The following UNK variants were observed in gnomAD, a reference collection of about 807,000 sequenced individuals.
UNK encodes RING finger protein unkempt homolog.
Under a neutral mutation model 97.6 loss-of-function variants are expected in UNK, and 32 were observed. That is an observed-to-expected ratio of 0.33 (90% CI 0.25 to 0.44). The LOEUF is 0.44. UNK is among the 20% of genes least tolerant of loss of function. UNK has a pLI of 1.00. For synonymous variants in UNK, 441 were observed against 461.2 expected (o/e 0.96, Z 0.56); for missense variants, 771 against 1,098.4 (o/e 0.70, Z 4.21).
In UNK at chr17:75,800,963, G is replaced by A. The variant is rs377058700; in HGVS notation, c.105-8797G>A. On this transcript the variant is annotated intron_variant, in intron 1 of 15. Transcript: ENST00000589666. ...CTGTCGCCCAGGCTGGAGTGCAGTG[G>A]CGTGATCTGGGCTCACTGCAAGCTC... is the stretch of plus-strand genomic sequence containing the variant. Among the ~76,000 whole-genome samples the A allele has an allele frequency of 5.3e-5, 8 of 151,610 alleles. No homozygotes were observed. The East Asian group carries it at 1.4e-3, about 26-fold the overall frequency.
intron 5 of UNK, 36 bp downstream of exon 5, chr17:75,813,249 G>A (rs1374584380): frequency 1.9e-6 from 3 of 1,547,518 alleles, no homozygotes; most frequent in East Asian, 2.4e-5. Context: ...ACGGGAGGGA[G>A]GAGTGGCAGG....
intron 1 of UNK, among the ~76,000 whole-genome samples, chr17:75,800,573 C>A (rs1394208383): frequency 6.6e-5 from 10 of 150,774 alleles, no homozygotes; most frequent in African/African-American, 2.4e-4. Context: ...CCCGCCTCTC[C>A]TAAAAATAAA....
chr17:75,788,571 C>T (rs2061734516), intron 1 of UNK, among the ~76,000 whole-genome samples: 2 of 152,194 alleles, frequency 1.3e-5, no homozygotes, highest in African/African-American at 2.4e-5. Flanking sequence ...TCAGGCTGGT[C>T]TTGAACTCCT....
intron 14 of UNK, among the ~76,000 whole-genome samples, chr17:75,822,865 TTCTC>T (rs759200162): frequency 2.6e-5 from 4 of 152,232 alleles, no homozygotes; most frequent in African/African-American, 7.2e-5. Context: ...AGGCTTCAAA[TTCTC>T]TCTGTGAGCT....
At position 75,812,118 on chromosome 17, in the gene UNK, A is replaced by G. The variant is rs2061975114; in HGVS notation, c.321A>G (p.Pro107=). 5 of 1,598,166 alleles carry G rather than the reference A, an allele frequency of 3.1e-6. No homozygotes were observed. Among genetic ancestry groups the G allele is most frequent in the Non-Finnish European group, 4.3e-6 (5 of 1,169,674 alleles). The change falls in exon 3 of 16, where the codon CCA becomes CCG. Residue 107 remains proline, a synonymous_variant. Coordinates refer to ENST00000589666, the MANE Select transcript of UNK (RefSeq NM_001080419.3). ...CCCCACTACCGTGTTCCAGGTGCCC[A>G]TTCCTGCACAGAACCACAGGGGACA... The part of the protein sequence containing the change: ...TGLCPEGDEC[P]FLHRTTGDTE...
rs112615725 is a variant in UNK at position 75,801,457 on chromosome 17, C to G, written c.105-8303C>G. 2.3e-3 allele frequency among the ~76,000 whole-genome samples: 353 copies of G among 152,242 alleles called. 2 individuals carry two copies. Among genetic ancestry groups the G allele is most frequent in the Middle Eastern group, 3.4e-3 (1 of 294 alleles). ...ACCTTGAGCCCAGGAGTCAAGATTG[C>G]AATGAGCTGTGATTACACTACTGCA... is the stretch of plus-strand genomic sequence containing the variant. On this transcript the variant is annotated intron_variant, in intron 1 of 15. Transcript: ENST00000589666.
At chr17:75,815,053 G>A (rs1199221506) in intron 6 of UNK, 116 bp from the exon 7 acceptor site, 2 of 861,650 alleles carry the variant, frequency 2.3e-6, no homozygotes, top group African/African-American at 1.7e-5. Context: ...GGAGGGGAGG[G>A]GCCGGGAACA....
rs760531478 is a variant in UNK, at chr17:75,819,728, G to A, written c.1591G>A (p.Ala531Thr). Residue 531 changes from alanine (A) to threonine (T), a missense_variant, in exon 12 of 16, where the codon GCC becomes ACC. Ala to Thr is a moderately conservative substitution (Grantham distance 58, BLOSUM62 0). Around this residue, in one of 5 missense-constraint regions of UNK, gnomAD observed 91 missense variants for 173.1 expected, o/e 0.53. Coordinates refer to ENST00000589666, the MANE Select transcript of UNK (RefSeq NM_001080419.3). The surrounding 1 kb of genome is among the most constrained non-coding windows in gnomAD (Gnocchi z 5.4). ...DLDLNEFGVAALEKTFDNSTV... is the reference protein window; with the variant it reads ...DLDLNEFGVATLEKTFDNSTV... The stretch of plus-strand genomic sequence containing the variant: ...GGACCTGAATGAGTTTGGCGTGGCC[G>A]CCCTGGAGAAGACTTTCGATAACAG... The A allele has an allele frequency of 6.8e-6, 11 of 1,613,752 alleles. 1 individual carries two copies. The highest frequency in any genetic ancestry group is 4.4e-5 in the South Asian group (4 of 91,096).
chr17:75,807,822 C>T (rs886932049), intron 1 of UNK, among the ~76,000 whole-genome samples: 1 of 152,084 alleles, frequency 6.6e-6, no homozygotes, highest in Non-Finnish European at 1.5e-5. Context: ...CTCCAGACCT[C>T]AGGTGATCCG....
At chr17:75,815,789 G>A (rs2062010541) in intron 7 of UNK, among the ~76,000 whole-genome samples, 1 of 151,300 alleles carries the variant, frequency 6.6e-6, no homozygotes, top group South Asian at 2.1e-4. Flanking sequence ...GGGAGGCTGA[G>A]GCATGAGAAT....
intron 1 of UNK, among the ~76,000 whole-genome samples, chr17:75,796,588 A>C (rs2061807789): frequency 6.6e-6 from 1 of 152,112 alleles, no homozygotes; most frequent in Admixed American, 6.6e-5. Flanking sequence ...CTGCTCCCCA[A>C]AGTGCTGGGC....
At chr17:75,789,458 T>TC (rs2061743236) in intron 1 of UNK, among the ~76,000 whole-genome samples, 1 of 152,114 alleles carries the variant, frequency 6.6e-6, no homozygotes, top group African/African-American at 2.4e-5. Context: ...TGCCTCAGCC[T>TC]CCCCAGTAGC....
chr17:75,798,255 A>G (rs771652465), intron 1 of UNK, among the ~76,000 whole-genome samples: 2 of 152,108 alleles, frequency 1.3e-5, no homozygotes, highest in Non-Finnish European at 2.9e-5. Context: ...ATTTTTTAGT[A>G]GAGACGGGGT....
chr17:75,818,697 G>T lies in UNK; in HGVS notation c.1427G>T (p.Ser476Ile). 1 of 1,612,716 alleles carries T rather than the reference G, an allele frequency of 6.2e-7. No homozygotes were observed. The highest frequency in any genetic ancestry group is 8.5e-7 in the Non-Finnish European group (1 of 1,179,324). ...GSPLTSSISSSITSSLAATPP... is the reference protein window; with the variant it reads ...GSPLTSSISSIITSSLAATPP... ...CCCCTGACCTCAAGCATCTCTTCTA[G>T]TATCACCTCCAGCCTGGCAGCTACC... The change falls in exon 11 of 16, where the codon AGT becomes ATT. Residue 476 changes from serine (S) to isoleucine (I), a missense_variant. Coordinates refer to ENST00000589666, the MANE Select transcript of UNK (RefSeq NM_001080419.3). This position sits in a 1 kb window ranked among gnomAD's most constrained non-coding sequence, Gnocchi z 5.1.
intron 1 of UNK, among the ~76,000 whole-genome samples, chr17:75,805,399 GAAAAA>G (rs75234473): frequency 6.8e-4 from 71 of 104,902 alleles, no homozygotes; most frequent in African/African-American, 2.3e-3. Flanking sequence ...TCTCAAAAAG[GAAAAA>G]AAAAAAAAAA....
In UNK at chr17:75,794,993, T is replaced by G. The variant is rs1332867442; in HGVS notation, c.104+10009T>G. ...AGCCCTGATTGAATGCCTTCTTTAG[T>G]TGCATCCACACTAAAATAGATCCTT... On this transcript the variant is annotated intron_variant, in intron 1 of 15. Coordinates refer to ENST00000589666, the MANE Select transcript of UNK (RefSeq NM_001080419.3). 2.0e-5 allele frequency among the ~76,000 whole-genome samples: 3 copies of G among 152,204 alleles called. No individual in the cohort carries two copies. The East Asian group carries it at 5.8e-4, about 29-fold the overall frequency.
At position 75,819,634 on chromosome 17, in the gene UNK, G is replaced by A. The variant is rs2062047891; in HGVS notation, c.1547-50G>A. On this transcript the variant is annotated intron_variant, in intron 11 of 15. Transcript: ENST00000589666. This position sits in a 1 kb window ranked among gnomAD's most constrained non-coding sequence, Gnocchi z 5.4. ...GCGTGGGCAGTAGACGAGGTGGTCAGGGTCAGATAGTCCCTCGGGAGGTCA... is the reference window on the plus strand; with the variant it reads ...GCGTGGGCAGTAGACGAGGTGGTCAAGGTCAGATAGTCCCTCGGGAGGTCA... The A allele has an allele frequency of 6.4e-7, 1 of 1,571,386 alleles. No individual in the cohort carries two copies. The highest frequency in any genetic ancestry group is 8.8e-7 in the Non-Finnish European group (1 of 1,141,786).
chr17:75,816,745 T>A lies in UNK; in HGVS notation c.962-25T>A, dbSNP rs770556189. 19 of 1,584,518 alleles carry A rather than the reference T, an allele frequency of 1.2e-5. No homozygotes were observed. The highest frequency in any genetic ancestry group is 1.0e-4 in the Admixed American group (6 of 59,282). On this transcript the variant is annotated intron_variant, in intron 7 of 15. Transcript: ENST00000589666. The surrounding 1 kb of genome is among the most constrained non-coding windows in gnomAD (Gnocchi z 4.0). ...AGGGACAGAGCTGGCTGGGGCCTGC[T>A]GACCCCTGCCCCTGACTCTTGCAGA...
chr17:75,805,965 C>T (rs768146995), intron 1 of UNK, among the ~76,000 whole-genome samples: 4 of 151,344 alleles, frequency 2.6e-5, no homozygotes, highest in South Asian at 2.1e-4. Flanking sequence ...ATCTAAAGTC[C>T]GCTGGGCGTG....
Sources: gnomAD v4.1 joint callset for allele counts (sites outside exome capture counted in the v4.1 genomes callset) on GRCh38, gnomAD v4.1.1 for gene constraint, gnomAD v4.1.1 regional missense constraint, Gnocchi (gnomAD v3.1) non-coding constraint, MANE v1.5 for transcripts, NCBI Gene and HGNC (gene_info 2026-07-23, HGNC 2026-07-21) for gene names.